Variants in C2orf42 observed in about 807,000 individuals in gnomAD.
C2orf42 encodes chromosome 2 open reading frame 42, also known as uncharacterized protein C2orf42.
C2orf42 carries 44 observed loss-of-function variants against 58.9 expected under a neutral mutation model. That is an observed-to-expected ratio of 0.75 (90% CI 0.59 to 0.96). The LOEUF (loss-of-function observed/expected upper bound fraction) is 0.96. C2orf42 is among the 40% of genes least tolerant of loss of function. The pLI, the probability that C2orf42 is intolerant of heterozygous loss-of-function variation, is 0.00. For missense variants in C2orf42, 630 were observed against 699.2 expected, an observed-to-expected ratio of 0.90 and a Z score of 1.12; for synonymous variants, 239 against 265.4, an observed-to-expected ratio of 0.90 and a Z score of 0.97.
chr2:70,186,747 T>C (rs1403349358), intron 1 of C2orf42, among the ~76,000 whole-genome samples: 1 of 152,130 alleles, frequency 6.6e-6, no homozygotes, highest in Non-Finnish European at 1.5e-5. Context: ...ATGTGGCACA[T>C]ATACACCATG....
chr2:70,189,787 G>C (rs567531698), intron 1 of C2orf42, among the ~76,000 whole-genome samples: 3 of 152,014 alleles, frequency 2.0e-5, no homozygotes, highest in Non-Finnish European at 4.4e-5. Context: ...AGCACTTTGG[G>C]AGGCTGAGGC....
chr2:70,175,163 C>T (rs899963018), intron 5 of C2orf42, among the ~76,000 whole-genome samples: 3 of 151,904 alleles, frequency 2.0e-5, no homozygotes, highest in African/African-American at 7.3e-5. Context: ...GGTTTTGCCA[C>T]GTTGGCCAGG....
chr2:70,190,966 C>G lies in C2orf42; in HGVS notation c.-282+7G>C, dbSNP rs1265294809. 1.3e-5 allele frequency: 2 copies of G among 152,918 alleles called. No individual in the cohort carries two copies. Among genetic ancestry groups the G allele is most frequent in the African/African-American group, 4.8e-5 (2 of 41,480 alleles). 9.5% of individuals were successfully genotyped at this position (152,918 alleles called of 1,614,324 possible). ...CCCCGGGGCCCTTAGCTGACGACCG[C>G]CCTCACCTCTTCTCTCTTCGCCTGC... On this transcript the variant is annotated splice_region_variant and intron_variant, in intron 1 of 9. Transcript: ENST00000264434.
intron 1 of C2orf42, among the ~76,000 whole-genome samples, chr2:70,189,021 T>C (rs554424521): frequency 6.6e-6 from 1 of 152,136 alleles, no homozygotes; most frequent in African/African-American, 2.4e-5. Context: ...AACAACCTGA[T>C]GTCCCTCAAG....
chr2:70,169,745 A>C (rs1673667958), intron 5 of C2orf42, 84 bp from the exon 6 acceptor site: 1 of 712,554 alleles, frequency 1.4e-6, no homozygotes, highest in Non-Finnish European at 2.5e-6. Flanking sequence ...TGAAAAAGTT[A>C]ACAAGTTTTT....
chr2:70,185,071 C>T (rs1389686834), intron 1 of C2orf42, among the ~76,000 whole-genome samples: 3 of 148,280 alleles, frequency 2.0e-5, no homozygotes, highest in South Asian at 2.1e-4. Flanking sequence ...GCCTGGGCGA[C>T]AGAGTGAGAC....
intron 1 of C2orf42, among the ~76,000 whole-genome samples, chr2:70,187,609 T>C (rs72841131): frequency 0.058 from 8,893 of 152,258 alleles, 335 homozygotes; most frequent in East Asian, 0.17. Flanking sequence ...ATCTTTAACA[T>C]TATAAATCCA....
intron 9 of C2orf42, among the ~76,000 whole-genome samples, chr2:70,155,330 A>T (rs1228079807): frequency 3.3e-5 from 5 of 152,140 alleles, no homozygotes; most frequent in Admixed American, 1.3e-4. Context: ...GGCTAATTTT[A>T]AAAATTCTTT....
intron 4 of C2orf42, among the ~76,000 whole-genome samples, chr2:70,177,171 C>T (rs1204362716): frequency 6.6e-6 from 1 of 151,846 alleles, no homozygotes; most frequent in East Asian, 1.9e-4. Flanking sequence ...ACTTAGGAGA[C>T]CGAGGCAGGA....
intron 8 of C2orf42, among the ~76,000 whole-genome samples, chr2:70,164,477 C>T (rs761215417): frequency 2.6e-5 from 4 of 151,672 alleles, no homozygotes; most frequent in Non-Finnish European, 4.4e-5. Flanking sequence ...ACTAAAAATA[C>T]AAAAATTAGC....
chr2:70,163,141 T>A (rs530034060), intron 8 of C2orf42, among the ~76,000 whole-genome samples: 2 of 152,228 alleles, frequency 1.3e-5, no homozygotes, highest in African/African-American at 4.8e-5. Context: ...GTGCTGAGAT[T>A]ACAGGTGTGA....
intron 7 of C2orf42, 47 bp downstream of exon 7, chr2:70,165,481 C>T (rs1227429094): frequency 9.5e-7 from 1 of 1,057,954 alleles, no homozygotes; most frequent in South Asian, 1.3e-5. Context: ...AAACATAATT[C>T]TCTATGTTCG....
At chr2:70,170,349 C>T (rs541432344) in intron 5 of C2orf42, among the ~76,000 whole-genome samples, 15 of 151,548 alleles carry the variant, frequency 9.9e-5, no homozygotes, top group Non-Finnish European at 1.8e-4. Flanking sequence ...CAGGTTTAAG[C>T]GATTCTCATG....
At chr2:70,172,223 CAAAAA>C (rs1171174664) in intron 5 of C2orf42, among the ~76,000 whole-genome samples, 1 of 58,204 alleles carries the variant, frequency 1.7e-5, no homozygotes, top group African/African-American at 5.3e-5. Flanking sequence ...GACTCTGTCT[CAAAAA>C]AAAAAAAAAA....
At chr2:70,170,976 G>A (rs1355422993) in intron 5 of C2orf42, among the ~76,000 whole-genome samples, 1 of 151,614 alleles carries the variant, frequency 6.6e-6, no homozygotes, top group South Asian at 2.1e-4. Context: ...TTAGCCAGGC[G>A]AGGTGGCAGG....
At chr2:70,156,461 A>T (rs1672683568) in intron 9 of C2orf42, among the ~76,000 whole-genome samples, 1 of 152,032 alleles carries the variant, frequency 6.6e-6, no homozygotes. Flanking sequence ...TAGCCATTGC[A>T]CTCCAGCCTG....
At chr2:70,170,748 A>C (rs1252663840) in intron 5 of C2orf42, among the ~76,000 whole-genome samples, 3 of 87,926 alleles carry the variant, frequency 3.4e-5, no homozygotes, top group Non-Finnish European at 5.9e-5. Context: ...TGAGACTCTA[A>C]AAAAAAAAAA....
At chr2:70,179,095 T>C (rs1674381054) in intron 4 of C2orf42, among the ~76,000 whole-genome samples, 1 of 152,052 alleles carries the variant, frequency 6.6e-6, no homozygotes, top group Non-Finnish European at 1.5e-5. Flanking sequence ...AATACTATCC[T>C]AAGGCAGATT....
chr2:70,150,412 G>C lies in C2orf42; in HGVS notation c.1669C>G (p.Pro557Ala), dbSNP rs773047206. ...GHVAEYQDQRPPLDQPLELAP... is the reference protein window; with the variant it reads ...GHVAEYQDQRAPLDQPLELAP... The stretch of plus-strand genomic sequence containing the variant: ...AGTTCCAAGGGCTGGTCCAAGGGGG[G>C]CCGCTGGTCTTGGTACTCCGCCACA... Residue 557 changes from proline (P) to alanine (A), a missense_variant, in exon 10 of 10, where the codon CCC becomes GCC. Coordinates refer to ENST00000264434, the MANE Select transcript of C2orf42 (RefSeq NM_017880.3). 2 of 1,614,020 alleles carry C rather than the reference G, an allele frequency of 1.2e-6. No homozygotes were observed. Among genetic ancestry groups the C allele is most frequent in the South Asian group, 2.2e-5 (2 of 91,088 alleles).
Sources: allele counts gnomAD v4.1 joint callset (sites outside exome capture counted in the v4.1 genomes callset), GRCh38; gene constraint gnomAD v4.1.1; transcripts MANE v1.5; gene names NCBI Gene and HGNC (gene_info 2026-07-23, HGNC 2026-07-21).